The following RYR3 variants were observed in gnomAD, a reference collection of about 807,000 sequenced individuals.
RYR3 encodes ryanodine receptor 3, also known as brain ryanodine receptor-calcium release channel.
A neutral mutation model predicts 584.3 loss-of-function variants in RYR3; 207 were observed. That is an observed-to-expected ratio of 0.35 (90% CI 0.32 to 0.40). The LOEUF (loss-of-function observed/expected upper bound fraction) is 0.40. RYR3 is among the 10% of genes least tolerant of loss of function. The probability of loss-of-function intolerance (pLI) is 1.00; values close to 1 mark genes in which losing one functional copy is unlikely to be tolerated. For synonymous variants in RYR3, 2,416 were observed against 2,248.5 expected, an observed-to-expected ratio of 1.07 and a Z score of -2.11; for missense variants, 5,616 against 6,089.2, an observed-to-expected ratio of 0.92 and a Z score of 2.59.
intron 16 of RYR3, among the ~76,000 whole-genome samples, chr15:33,586,846 A>G (rs578191631): frequency 6.6e-6 from 1 of 152,228 alleles, no homozygotes. Context: ...CTGACCCTTC[A>G]ACATCTGCAC....
At chr15:33,859,924 G>C (rs2080147710) in intron 100 of RYR3, among the ~76,000 whole-genome samples, 193 bp downstream of exon 100, 1 of 152,184 alleles carries the variant, frequency 6.6e-6, no homozygotes, top group Non-Finnish European at 1.5e-5. Context: ...CCCAGGCACA[G>C]TTATAAGAAG....
chr15:33,452,997 C>T (rs2047251381), intron 1 of RYR3, among the ~76,000 whole-genome samples: 1 of 152,158 alleles, frequency 6.6e-6, no homozygotes, highest in Non-Finnish European at 1.5e-5. Context: ...TGCCAGAAGC[C>T]TCCTGGCTCC....
chr15:33,710,648 A>T (rs1471371292), intron 43 of RYR3, among the ~76,000 whole-genome samples: 1 of 152,106 alleles, frequency 6.6e-6, no homozygotes, highest in Non-Finnish European at 1.5e-5. Flanking sequence ...CTGCAGCAGG[A>T]TTCTGCCTGG....
chr15:33,418,299 A>T (rs533043645), intron 1 of RYR3, among the ~76,000 whole-genome samples: 2 of 149,564 alleles, frequency 1.3e-5, no homozygotes, highest in East Asian at 3.9e-4. Context: ...CTGCAAATCC[A>T]TCTGGTCCAG....
intron 38 of RYR3, among the ~76,000 whole-genome samples, chr15:33,672,331 T>C (rs1187173157): frequency 1.3e-5 from 2 of 152,170 alleles, no homozygotes; most frequent in Non-Finnish European, 2.9e-5. Flanking sequence ...ACAGACCACA[T>C]TCTGTCTGTC....
intron 20 of RYR3, among the ~76,000 whole-genome samples, chr15:33,627,677 A>G (rs1172254882): frequency 6.6e-6 from 1 of 152,242 alleles, no homozygotes; most frequent in Admixed American, 6.5e-5. Context: ...TAATACATCT[A>G]GTCTTAGTGT....
intron 1 of RYR3, among the ~76,000 whole-genome samples, chr15:33,441,087 G>A (rs976583208): frequency 7.9e-5 from 12 of 152,188 alleles, no homozygotes; most frequent in African/African-American, 2.9e-4. Flanking sequence ...TTTGTGCCCA[G>A]CCAGCCACAT....
chr15:33,404,541 G>A (rs866312562), intron 1 of RYR3, among the ~76,000 whole-genome samples: 3 of 151,592 alleles, frequency 2.0e-5, no homozygotes, highest in East Asian at 1.9e-4. Context: ...AATAAAATTA[G>A]GGACCTGTTT....
chr15:33,838,955 T>A lies in RYR3; in HGVS notation c.12975T>A (p.Ala4325=). ...LESTVQKKRK[A]QAAEMKAANE... ...GTACTGTACAGAAGAAGAGGAAAGCTCAGGTAAGTGTCATTTGTTTCTTTC... is the reference window on the plus strand; with the variant it reads ...GTACTGTACAGAAGAAGAGGAAAGCACAGGTAAGTGTCATTTGTTTCTTTC... The change falls in exon 89 of 104, where the codon GCT becomes GCA. Residue 4325 remains alanine (A), a synonymous_variant. Coordinates refer to ENST00000634891, the MANE Select transcript of RYR3 (RefSeq NM_001036.6). 1 of 1,603,784 alleles carries A rather than the reference T, an allele frequency of 6.2e-7. No homozygotes were observed. The highest frequency in any genetic ancestry group is 1.3e-5 in the African/African-American group (1 of 74,458).
intron 64 of RYR3, among the ~76,000 whole-genome samples, chr15:33,779,544 C>A (rs980674331): frequency 1.3e-5 from 2 of 152,174 alleles, no homozygotes; most frequent in Non-Finnish European, 2.9e-5. Context: ...ACACAGGCTC[C>A]ATCCATAGCA....
At chr15:33,343,068 A>G (rs1195319750) in intron 1 of RYR3, among the ~76,000 whole-genome samples, 1 of 152,260 alleles carries the variant, frequency 6.6e-6, no homozygotes, top group Non-Finnish European at 1.5e-5. Context: ...AAGTGGAATT[A>G]GGGAGTACCA....
rs769835059 is a variant in RYR3, at chr15:33,634,686, C to T, written c.3128C>T (p.Thr1043Ile). The T allele has an allele frequency of 1.2e-6, 2 of 1,613,972 alleles. No individual in the cohort carries two copies. The highest frequency in any genetic ancestry group is 2.2e-5 in the East Asian group (1 of 44,876). ...GACAGCCTGCGGGAAGCTGTGCGCA[C>T]TTTTGTTGGTTACGGGTATAACATT... is the stretch of plus-strand genomic sequence containing the variant. ...NRDSLREAVR[T>I]FVGYGYNIEP... Residue 1043 changes from threonine to isoleucine, a missense_variant, in exon 25 of 104, where the codon ACT (threonine) becomes ATT (isoleucine). Thr to Ile is a moderately conservative substitution (Grantham distance 89). Around this residue, in one of 9 missense-constraint regions of RYR3, gnomAD observed 1,284 missense variants for 1,344.6 expected, o/e 0.95. Coordinates refer to ENST00000634891, the MANE Select transcript of RYR3 (RefSeq NM_001036.6).
chr15:33,860,483 C>A, intron 100 of RYR3, 112 bp from the exon 101 acceptor site: 2 of 595,886 alleles, frequency 3.4e-6, no homozygotes, highest in Non-Finnish European at 2.8e-6. Context: ...TCTAATTTTG[C>A]TTTGATAATT....
intron 1 of RYR3, among the ~76,000 whole-genome samples, chr15:33,385,710 C>CTTTTTTTTTTTTTTT (rs10682215): frequency 7.6e-6 from 1 of 131,402 alleles, no homozygotes; most frequent in African/African-American, 2.9e-5. Flanking sequence ...TTTTTCTTTT[C>CTTTTTTTTTTTTTTT]TTTTTTTTTT....
intron 1 of RYR3, among the ~76,000 whole-genome samples, chr15:33,343,725 A>G (rs1972103021): frequency 6.6e-6 from 1 of 152,088 alleles, no homozygotes; most frequent in South Asian, 2.1e-4. Context: ...TTCAGTTCCT[A>G]TTGTTTGGTT....
At chr15:33,526,777 T>C (rs183555162) in intron 3 of RYR3, among the ~76,000 whole-genome samples, 9 of 152,170 alleles carry the variant, frequency 5.9e-5, no homozygotes, top group Admixed American at 5.2e-4. Context: ...TACAACATGG[T>C]CATGGAGCTT....
At chr15:33,542,240 T>C (rs985408269) in intron 7 of RYR3, among the ~76,000 whole-genome samples, 8 of 152,028 alleles carry the variant, frequency 5.3e-5, no homozygotes, top group Non-Finnish European at 1.2e-4. Flanking sequence ...CCTGATAGAT[T>C]TCAGTTAAGA....
At chr15:33,465,020 A>G (rs971064558) in intron 1 of RYR3, among the ~76,000 whole-genome samples, 9 of 152,198 alleles carry the variant, frequency 5.9e-5, no homozygotes, top group Non-Finnish European at 1.0e-4. Flanking sequence ...TTCAGCTAGC[A>G]TAATGCCGTC....
chr15:33,806,455 C>G (rs72715181), intron 69 of RYR3, among the ~76,000 whole-genome samples: 5,325 of 151,098 alleles, frequency 0.035, 146 homozygotes, highest in Non-Finnish European at 0.054. Context: ...GAGTTCAATA[C>G]GAGCCTGGGC....
Sources: gnomAD v4.1 joint callset for allele counts (sites outside exome capture counted in the v4.1 genomes callset) on GRCh38, gnomAD v4.1.1 for gene constraint, gnomAD v4.1.1 regional missense constraint, MANE v1.5 for transcripts, NCBI Gene and HGNC (gene_info 2026-07-23, HGNC 2026-07-21) for gene names.